REL: variants seen among roughly 807,000 people sequenced by gnomAD.
The protein encoded by REL is proto-oncogene c-Rel.
A neutral mutation model predicts 45.9 loss-of-function variants in REL; 15 were observed. The ratio of observed to expected loss-of-function variants is 0.33; its 90% CI spans 0.22 to 0.50. REL has a LOEUF of 0.50. Ranked by LOEUF, REL falls within the 20% of genes least tolerant of loss-of-function variation. REL has a pLI of 0.98. For synonymous variants in REL, 239 were observed against 242.1 expected (o/e 0.99, Z 0.12); for missense variants, 601 against 715.2 (o/e 0.84, Z 1.82).
rs2104002003 is a variant in REL, at chr2:60,928,939, A to G, written c.*6404A>G. The G allele has an allele frequency of 6.7e-6, 1 of 148,976 alleles. No individual in the cohort carries two copies. The highest frequency in any genetic ancestry group is 2.4e-5 in the African/African-American group (1 of 41,284). The allele number at this position is 148,976 out of a possible 1,614,324, so 9.2% of individuals were successfully genotyped here. A position where few individuals can be genotyped will look rare whatever the true frequency, so the allele number is the denominator to read the frequency against. On this transcript the variant is annotated 3_prime_UTR_variant, in exon 10 of 10. Transcript: ENST00000394479. The stretch of plus-strand genomic sequence containing the variant: ...CAACCTACTTATCTGACAAAGGGCT[A>G]ATATCCAGAATCTACAATGAACTCA...
In REL at chr2:60,930,403, G is replaced by A. The variant is rs1674360348; in HGVS notation, c.*7868G>A. Reference sequence around the variant, plus strand: ...ATTAACTAGTTATTGCCCAGCTTTGGAGAGCCTTCTTTTGGCTTATCATTT... The same window carrying A: ...ATTAACTAGTTATTGCCCAGCTTTGAAGAGCCTTCTTTTGGCTTATCATTT... On this transcript the variant is annotated 3_prime_UTR_variant, in exon 10 of 10. Coordinates refer to ENST00000394479, the MANE Select transcript of REL (RefSeq NM_001291746.2). The A allele has an allele frequency of 6.6e-6, 1 of 152,298 alleles. No homozygotes were observed. The highest frequency in any genetic ancestry group is 1.5e-5 in the Non-Finnish European group (1 of 68,034). 9.4% of individuals were successfully genotyped at this position (152,298 alleles called of 1,614,324 possible).
Position 60,901,062 on chromosome 2 carries a change from G to T in REL, c.373G>T (p.Ala125Ser). The T allele has an allele frequency of 6.2e-7, 1 of 1,606,578 alleles. No homozygotes were observed. Among genetic ancestry groups the T allele is most frequent in the Non-Finnish European group, 8.5e-7 (1 of 1,177,184 alleles). ...AGAAGCTATTATTACAAGAATAAAG[G>T]CAGGAATCAATCCATTCAATGGTAA... ...VKEAIITRIKAGINPFNVPEK... is the reference protein window; with the variant it reads ...VKEAIITRIKSGINPFNVPEK... The change falls in exon 4 of 10, where the codon GCA (alanine) becomes TCA (serine). Residue 125 changes from alanine to serine, a missense_variant. Physicochemically the swap from Ala to Ser is moderately conservative, Grantham distance 99. This residue lies in a region of REL where 241 missense variants were observed against 347.0 expected (regional missense o/e 0.69). Transcript: ENST00000394479.
intron 4 of REL, among the ~76,000 whole-genome samples, chr2:60,904,869 G>A (rs1412824192): frequency 1.3e-5 from 2 of 152,142 alleles, no homozygotes; most frequent in Non-Finnish European, 2.9e-5. Context: ...CAGCCTGAGC[G>A]ACGGAACAAG....
intron 4 of REL, among the ~76,000 whole-genome samples, chr2:60,909,158 C>G (rs1380302576): frequency 6.6e-6 from 1 of 151,960 alleles, no homozygotes; most frequent in African/African-American, 2.4e-5. Flanking sequence ...GTATCTATTT[C>G]TCATCCAGAT....
At chr2:60,898,024 A>G (rs1456132398) in intron 3 of REL, among the ~76,000 whole-genome samples, 1 of 152,156 alleles carries the variant, frequency 6.6e-6, no homozygotes, top group Non-Finnish European at 1.5e-5. Flanking sequence ...TTCCTCATCC[A>G]GGTGTACACA....
chr2:60,899,550 T>C (rs1344966511), intron 3 of REL: 2 of 152,302 alleles, frequency 1.3e-5, no homozygotes, highest in East Asian at 3.7e-4. Context: ...GTGAAAGATA[T>C]TTTAGATGCT....
rs1427902229 is a variant in REL, at chr2:60,882,652, G to A, written c.10+802G>A. 2.6e-5 allele frequency among the ~76,000 whole-genome samples: 4 copies of A among 152,150 alleles called. No homozygotes were observed. The East Asian group carries it at 5.8e-4, about 22-fold the overall frequency. On this transcript the variant is annotated intron_variant, in intron 1 of 9. Transcript: ENST00000394479. ...ATCGCGCCCCTGCACTCCAGCCTGG[G>A]CGACAGAGGGAGACCCTGTCTCTAT...
intron 8 of REL, 30 bp from the exon 9 acceptor site, chr2:60,920,544 T>C: frequency 6.7e-7 from 1 of 1,499,330 alleles, no homozygotes; most frequent in Non-Finnish European, 9.3e-7. Context: ...TCAAATGACA[T>C]TTAATAATGG....
rs1434408624 is a variant in REL at position 60,891,717 on chromosome 2, A to G, written c.45A>G (p.Gln15=). 1 of 1,613,948 alleles carries G rather than the reference A, an allele frequency of 6.2e-7. No individual in the cohort carries two copies. The highest frequency in any genetic ancestry group is 8.5e-7 in the Non-Finnish European group (1 of 1,179,912). ...ACCCGTATATAGAGATAATTGAACA[A>G]CCCAGGCAGAGGGGAATGCGTTTTA... The part of the protein sequence containing the change: ...AYNPYIEIIE[Q]PRQRGMRFRY... The change falls in exon 2 of 10, where the codon CAA becomes CAG. Residue 15 remains glutamine (Q), a synonymous_variant. Coordinates refer to ENST00000394479, the MANE Select transcript of REL (RefSeq NM_001291746.2).
chr2:60,920,523 A>ATATC (rs769048955), intron 8 of REL, 51 bp from the exon 9 acceptor site: 1 of 1,377,600 alleles, frequency 7.3e-7, no homozygotes, highest in South Asian at 1.2e-5. Context: ...TTTAACTGAT[A>ATATC]ATGTTATTTT....
In REL at chr2:60,901,011, C is replaced by A; in HGVS notation, c.322C>A (p.Arg108=). 2.5e-6 allele frequency: 4 copies of A among 1,607,640 alleles called. No individual in the cohort carries two copies. Among genetic ancestry groups the A allele is most frequent in the Non-Finnish European group, 3.4e-6 (4 of 1,178,084 alleles). ...RPLFFQNLGI[R]CVKKKEVKEA... ...TGCTAGTTTCCAAAATTTGGGTATTCGATGTGTGAAGAAAAAAGAAGTAAA... is the reference window on the plus strand; with the variant it reads ...TGCTAGTTTCCAAAATTTGGGTATTAGATGTGTGAAGAAAAAAGAAGTAAA... Residue 108 remains arginine, a synonymous_variant, in exon 4 of 10, where the codon CGA becomes AGA. Coordinates refer to ENST00000394479, the MANE Select transcript of REL (RefSeq NM_001291746.2).
rs951482798 is a variant in REL at position 60,929,263 on chromosome 2, C to T, written c.*6728C>T. On this transcript the variant is annotated 3_prime_UTR_variant, in exon 10 of 10. Transcript: ENST00000394479. Reference sequence around the variant, plus strand: ...TCAACCATTGTGGAAGTCAGTGTGGCGATTCCTCAGGGATGTAGAACTGGA... The same window carrying T: ...TCAACCATTGTGGAAGTCAGTGTGGTGATTCCTCAGGGATGTAGAACTGGA... 1.5e-3 allele frequency: 217 copies of T among 147,912 alleles called. No homozygotes were observed. The highest frequency in any genetic ancestry group is 1.8e-3 in the Non-Finnish European group (122 of 66,786). 9.2% of individuals were successfully genotyped at this position (147,912 alleles called of 1,614,324 possible).
chr2:60,920,049 G>A lies in REL; in HGVS notation c.862G>A (p.Gly288Ser), dbSNP rs752907267. 14 of 1,608,126 alleles carry A rather than the reference G, an allele frequency of 8.7e-6. No individual in the cohort carries two copies. The highest frequency in any genetic ancestry group is 4.4e-5 in the South Asian group (4 of 90,290). The change falls in exon 8 of 10, where the codon GGC becomes AGC. Residue 288 changes from glycine to serine, a missense_variant. By Grantham distance (56) the Gly-to-Ser change is moderately conservative. Coordinates refer to ENST00000394479, the MANE Select transcript of REL (RefSeq NM_001291746.2). ...GGTTTCTTTCTAATCAGATACTTAC[G>A]GCAATAAAGCAAAGAAACAAAAGAC... is the stretch of plus-strand genomic sequence containing the variant. ...RYLPDEKDTY[G>S]NKAKKQKTTL...
chr2:60,889,334 G>A (rs1673148414), intron 1 of REL, among the ~76,000 whole-genome samples: 1 of 152,078 alleles, frequency 6.6e-6, no homozygotes, highest in South Asian at 2.1e-4. Context: ...TCCTTCTGTA[G>A]TCTAATAATA....
intron 4 of REL, among the ~76,000 whole-genome samples, chr2:60,906,277 G>T (rs188414879): frequency 1.3e-5 from 2 of 152,128 alleles, no homozygotes; most frequent in East Asian, 3.9e-4. Flanking sequence ...AAACCATATC[G>T]CCCCACTACA....
Position 60,918,519 on chromosome 2 carries a change from C to T in REL, c.766C>T (p.Pro256Ser), listed in dbSNP as rs747391156. The change falls in exon 7 of 10, where the codon CCC (proline) becomes TCC (serine). Residue 256 changes from proline (P) to serine (S), a missense_variant. Physicochemically the swap from Pro to Ser is moderately conservative, Grantham distance 74. This residue lies in a region of REL where 241 missense variants were observed against 347.0 expected (regional missense o/e 0.69). Transcript: ENST00000394479. ...ACCATATTGCAAAGCTATCACAGAACCCGTAACAGTAAAAATGCAGTTGCG... is the reference window on the plus strand; with the variant it reads ...ACCATATTGCAAAGCTATCACAGAATCCGTAACAGTAAAAATGCAGTTGCG... Reference protein sequence around the residue: ...TPPYCKAITEPVTVKMQLRRP... With the variant: ...TPPYCKAITESVTVKMQLRRP... 2.0e-5 allele frequency: 32 copies of T among 1,613,938 alleles called. No individual in the cohort carries two copies. The Admixed American group carries it at 5.3e-4, about 27-fold the overall frequency.
chr2:60,920,119 G>A lies in REL; in HGVS notation c.922+10G>A, dbSNP rs758026369. The stretch of plus-strand genomic sequence containing the variant: ...CTGTGCCAGGATCACGGTAAGAATA[G>A]TTTGGATCGATTCATATTTAAATAG... On this transcript the variant is annotated intron_variant, in intron 8 of 9. Coordinates refer to ENST00000394479, the MANE Select transcript of REL (RefSeq NM_001291746.2). The A allele has an allele frequency of 6.3e-7, 1 of 1,575,932 alleles. No individual in the cohort carries two copies. The highest frequency in any genetic ancestry group is 1.8e-5 in the Admixed American group (1 of 56,144).
rs1367073573 is a variant in REL, at chr2:60,916,917, C to T, written c.435C>T (p.Leu145=). The T allele has an allele frequency of 1.9e-5, 31 of 1,613,332 alleles. No individual in the cohort carries two copies. Among genetic ancestry groups the T allele is most frequent in the Non-Finnish European group, 2.5e-5 (30 of 1,179,670 alleles). Residue 145 remains leucine (L), a synonymous_variant, in exon 5 of 10, where the codon CTC becomes CTT. Transcript: ENST00000394479. ...TGAATGATATTGAAGATTGTGACCT[C>T]AATGTGGTGAGACTGTGTTTTCAAG... The part of the protein sequence containing the change: ...KQLNDIEDCD[L]NVVRLCFQVF...
chr2:60,909,504 C>A (rs191532937), intron 4 of REL, among the ~76,000 whole-genome samples: 92 of 151,640 alleles, frequency 6.1e-4, no homozygotes, highest in African/African-American at 2.0e-3. Flanking sequence ...GTTGCCCAGG[C>A]TGGTCTTGAA....
Sources: gnomAD v4.1 joint callset for allele counts (sites outside exome capture counted in the v4.1 genomes callset) on GRCh38, gnomAD v4.1.1 for gene constraint, gnomAD v4.1.1 regional missense constraint, MANE v1.5 for transcripts, NCBI Gene and HGNC (gene_info 2026-07-23, HGNC 2026-07-21) for gene names.